CACNB2: variants seen among roughly 807,000 people sequenced by gnomAD.
CACNB2 encodes voltage-dependent L-type calcium channel subunit beta-2.
A neutral mutation model predicts 73.3 loss-of-function variants in CACNB2; 42 were observed. The observed-to-expected ratio is 0.57, with a 90% CI of 0.45 to 0.74. The LOEUF (loss-of-function observed/expected upper bound fraction) is 0.74. Among genes scored for constraint, CACNB2 ranks in the 30% least tolerant of loss-of-function variants. The pLI, the probability that CACNB2 is intolerant of heterozygous loss-of-function variation, is 0.00. For missense variants in CACNB2, 940 were observed against 853.0 expected (o/e 1.10, Z -1.27); for synonymous variants, 348 against 310.3 (o/e 1.12, Z -1.28).
chr10:18,527,671 A>G lies in CACNB2; in HGVS notation c.1028A>G (p.Glu343Gly). 3 of 1,613,410 alleles carry G rather than the reference A, an allele frequency of 1.9e-6. No homozygotes were observed. Among genetic ancestry groups the G allele is most frequent in the Non-Finnish European group, 2.5e-6 (3 of 1,179,480 alleles). The change falls in exon 10 of 14, where the codon GAA becomes GGA. Residue 343 changes from glutamate (E) to glycine (G), a missense_variant. Physicochemically the swap from Glu to Gly is moderately conservative, Grantham distance 98. Transcript: ENST00000324631. ...LNNPSKHAII[E>G]RSNTRSSLAE... is the part of the protein sequence containing the mutation. The stretch of plus-strand genomic sequence containing the variant: ...AATCCCAGTAAGCACGCAATAATAG[A>G]AAGATCCAACACAAGGTCAAGCTTA...
chr10:18,261,205 A>ACAAGAAGACTGTGC, intron 2 of CACNB2: 1 of 1,549,858 alleles, frequency 6.5e-7, no homozygotes, highest in Non-Finnish European at 8.7e-7. Context: ...CGAGGCTGTG[A>ACAAGAAGACTGTGC]CGAGAAGACA....
intron 1 of CACNB2, 66 bp from the exon 2 acceptor site, chr10:18,150,817 A>ACAT (rs1418209568): frequency 9.6e-7 from 1 of 1,037,954 alleles, no homozygotes; most frequent in African/African-American, 1.8e-5. Context: ...AACTAGGCCT[A>ACAT]CATTCCTGTT....
At chr10:18,277,671 T>A (rs538423587) in intron 2 of CACNB2, among the ~76,000 whole-genome samples, 1 of 152,372 alleles carries the variant, frequency 6.6e-6, no homozygotes, top group African/African-American at 2.4e-5. Flanking sequence ...AATCTTCAGC[T>A]TAACAATGTC....
At chr10:18,143,748 C>T (rs2030676383) in intron 1 of CACNB2, among the ~76,000 whole-genome samples, 1 of 152,164 alleles carries the variant, frequency 6.6e-6, no homozygotes, top group African/African-American at 2.4e-5. Flanking sequence ...AGAGCATCCT[C>T]CTTGTATGTG....
chr10:18,525,601 A>C (rs921896959), intron 9 of CACNB2, among the ~76,000 whole-genome samples: 1 of 152,160 alleles, frequency 6.6e-6, no homozygotes, highest in African/African-American at 2.4e-5. Context: ...TGAAATTCAT[A>C]AAAATATGTC....
Position 18,140,740 on chromosome 10 carries a change from G to A in CACNB2, c.4G>A (p.Val2Ile), listed in dbSNP as rs780368829. The A allele has an allele frequency of 1.3e-6, 2 of 1,593,476 alleles. No individual in the cohort carries two copies. The highest frequency in any genetic ancestry group is 4.5e-5 in the East Asian group (2 of 44,166). Residue 2 changes from valine to isoleucine, a missense_variant, in exon 1 of 14, where the codon GTC (valine) becomes ATC (isoleucine). Val to Ile is a conservative substitution (Grantham distance 29). Coordinates refer to ENST00000324631, the MANE Select transcript of CACNB2 (RefSeq NM_201596.3). ...GCTCCGAGCCGACTTTTCGCCAATG[G>A]TCCAAAGGGACATGTCCAAGTCGCC... MVQRDMSKSPPT... is the reference protein window; with the variant it reads MIQRDMSKSPPT...
chr10:18,291,383 C>A (rs1409015680), intron 2 of CACNB2, among the ~76,000 whole-genome samples: 2 of 152,212 alleles, frequency 1.3e-5, no homozygotes, highest in Non-Finnish European at 2.9e-5. Flanking sequence ...GAGAGAGGAA[C>A]ACCTCTGTGA....
intron 3 of CACNB2, among the ~76,000 whole-genome samples, chr10:18,450,771 C>T (rs1001040466): frequency 6.6e-6 from 1 of 151,814 alleles, no homozygotes. Flanking sequence ...TACAGGTGTG[C>T]ACCACCATGA....
chr10:18,166,752 G>C (rs771558707), intron 2 of CACNB2, among the ~76,000 whole-genome samples: 14 of 152,086 alleles, frequency 9.2e-5, no homozygotes, highest in Admixed American at 2.6e-4. Flanking sequence ...TGTCGGGTAG[G>C]GGGAGCGGGG....
intron 3 of CACNB2, among the ~76,000 whole-genome samples, chr10:18,456,093 C>T (rs2047264788): frequency 6.6e-6 from 1 of 152,164 alleles, no homozygotes; most frequent in Non-Finnish European, 1.5e-5. Flanking sequence ...AATTATTCTT[C>T]TTCCTCTATT....
chr10:18,430,427 C>G (rs1195256123), intron 3 of CACNB2, among the ~76,000 whole-genome samples: 3 of 151,936 alleles, frequency 2.0e-5, no homozygotes, highest in Non-Finnish European at 1.5e-5. Context: ...AAAGTTATCT[C>G]CCACCTGCAC....
rs533649219 is a variant in CACNB2, at chr10:18,477,513, G to A, written c.334-20842G>A. 1.7e-3 allele frequency among the ~76,000 whole-genome samples: 254 copies of A among 152,288 alleles called. 1 individual carries two copies. Among genetic ancestry groups the A allele is most frequent in the Admixed American group, 6.0e-3 (91 of 15,294 alleles). ...GTAATGCCATGACTGTGTAAATCCA[G>A]AAGTCTCTGTGACAGGTCTCAATCA... On this transcript the variant is annotated intron_variant, in intron 3 of 13. Coordinates refer to ENST00000324631, the MANE Select transcript of CACNB2 (RefSeq NM_201596.3).
At chr10:18,499,805 T>TAC (rs756799139) in intron 4 of CACNB2, among the ~76,000 whole-genome samples, 24,833 of 117,574 alleles carry the variant, frequency 0.21, 2,724 homozygotes, top group African/African-American at 0.27. Flanking sequence ...ACCCCATCTC[T>TAC]AAAAAAAAAA....
intron 2 of CACNB2, among the ~76,000 whole-genome samples, chr10:18,350,124 A>G (rs1474609610): frequency 2.6e-5 from 4 of 152,116 alleles, no homozygotes; most frequent in Non-Finnish European, 5.9e-5. Context: ...GAGTGCCTGT[A>G]ATCCCAGCTA....
intron 2 of CACNB2, among the ~76,000 whole-genome samples, chr10:18,199,941 CTGTGTGTGTGTGTGTGTG>C (rs141377460): frequency 2.9e-5 from 4 of 136,412 alleles, no homozygotes; most frequent in Non-Finnish European, 4.7e-5. Flanking sequence ...GTATATGAAA[CTGTGTGTGTGTGTGTGTG>C]TGTGTGTGTG....
chr10:18,395,232 A>G (rs2043660219), intron 2 of CACNB2, among the ~76,000 whole-genome samples: 1 of 152,166 alleles, frequency 6.6e-6, no homozygotes, highest in Admixed American at 6.5e-5. Flanking sequence ...TCTTGTACAC[A>G]AGGCCTTTGC....
chr10:18,241,091 A>G (rs556855858), intron 2 of CACNB2, among the ~76,000 whole-genome samples: 52 of 152,268 alleles, frequency 3.4e-4, no homozygotes, highest in African/African-American at 1.0e-3. Context: ...ACATGCAACC[A>G]TTTGTCTCTG....
intron 2 of CACNB2, among the ~76,000 whole-genome samples, chr10:18,247,655 A>G (rs542204305): frequency 5.9e-5 from 9 of 152,308 alleles, no homozygotes; most frequent in East Asian, 3.9e-4. Flanking sequence ...AATAGCATCA[A>G]TTGGGTGGCT....
chr10:18,223,684 C>T (rs1018830577), intron 2 of CACNB2, among the ~76,000 whole-genome samples: 11 of 152,106 alleles, frequency 7.2e-5, no homozygotes, highest in Non-Finnish European at 1.3e-4. Flanking sequence ...AAAAGTACTA[C>T]AGTCTTTTTC....
Sources: allele counts gnomAD v4.1 joint callset (sites outside exome capture counted in the v4.1 genomes callset), GRCh38; gene constraint gnomAD v4.1.1; transcripts MANE v1.5; gene names NCBI Gene and HGNC (gene_info 2026-07-23, HGNC 2026-07-21).